Variants in KAZN observed in about 807,000 individuals in gnomAD.
The protein encoded by KAZN is kazrin, periplakin interacting protein.
In KAZN, 40 loss-of-function variants were observed where a neutral mutation model predicts 87.4. That is an observed-to-expected ratio of 0.46 (90% CI 0.36 to 0.60). The LOEUF is 0.60. KAZN is among the 20% of genes least tolerant of loss of function. The pLI is 0.00. For missense variants in KAZN, 898 were observed against 1,073.9 expected (o/e 0.84, Z 2.29); for synonymous variants, 466 against 458.3 (o/e 1.02, Z -0.22).
At chr1:14,036,159 C>G (rs1361508312) in intron 1 of KAZN, among the ~76,000 whole-genome samples, 1 of 152,186 alleles carries the variant, frequency 6.6e-6, no homozygotes, top group African/African-American at 2.4e-5. Context: ...TTTGAACAGG[C>G]TGGAGTTTCT....
intron 1 of KAZN, among the ~76,000 whole-genome samples, chr1:14,600,390 A>T (rs1676862794): frequency 6.6e-6 from 1 of 152,070 alleles, no homozygotes; most frequent in Non-Finnish European, 1.5e-5. Context: ...TTTCCACCTT[A>T]TCTTCCTGGG....
At chr1:14,136,132 T>C (rs1645104694) in intron 1 of KAZN, among the ~76,000 whole-genome samples, 1 of 152,054 alleles carries the variant, frequency 6.6e-6, no homozygotes, top group Non-Finnish European at 1.5e-5. Context: ...AGCTAAAGGA[T>C]CACATCTTGG....
In KAZN at chr1:14,599,354, G is replaced by A. The variant is rs576324929; in HGVS notation, c.226+131G>A. On this transcript the variant is annotated intron_variant, in intron 1 of 14. Transcript: ENST00000376030. The surrounding 1 kb of genome is among the most constrained non-coding windows in gnomAD (Gnocchi z 4.4). ...TGCATTCTGGCTTGTAACCCTTTCC[G>A]CCCGGCGGTGGCCACCGCTGCTCTC... The A allele has an allele frequency of 4.1e-5, 41 of 987,990 alleles. No individual in the cohort carries two copies. In the East Asian group the frequency reaches 1.0e-3, roughly 24 times the overall value. The allele number at this position is 987,990 out of a possible 1,614,324, so 61.2% of individuals were successfully genotyped here.
chr1:14,217,815 T>C (rs1392663274), intron 2 of KAZN, among the ~76,000 whole-genome samples: 1 of 152,100 alleles, frequency 6.6e-6, no homozygotes. Flanking sequence ...AAATCACTTA[T>C]AATAGACAAT....
chr1:15,015,918 G>T (rs1670039884), intron 2 of KAZN, among the ~76,000 whole-genome samples: 1 of 152,176 alleles, frequency 6.6e-6, no homozygotes, highest in Admixed American at 6.5e-5. Flanking sequence ...ACTGTGATCG[G>T]AGGGCAGGGC....
chr1:14,189,798 G>A (rs983359306), intron 2 of KAZN, among the ~76,000 whole-genome samples: 7 of 152,062 alleles, frequency 4.6e-5, no homozygotes, highest in Non-Finnish European at 8.8e-5. Flanking sequence ...TATAAAATAC[G>A]GGCCATTAAT....
At chr1:13,974,211 C>T (rs1255587298) in intron 1 of KAZN, among the ~76,000 whole-genome samples, 1 of 152,158 alleles carries the variant, frequency 6.6e-6, no homozygotes, top group Non-Finnish European at 1.5e-5. Context: ...CTAGCATGTA[C>T]CAAAACTCCA....
intron 1 of KAZN, among the ~76,000 whole-genome samples, chr1:14,876,331 TAGC>T (rs1652767089): frequency 6.6e-6 from 1 of 152,194 alleles, no homozygotes; most frequent in African/African-American, 2.4e-5. Flanking sequence ...AGAATGACAT[TAGC>T]GATAGTAGCT....
At chr1:13,909,752 T>A (rs983647318) in intron 1 of KAZN, among the ~76,000 whole-genome samples, 5 of 152,240 alleles carry the variant, frequency 3.3e-5, no homozygotes, top group Non-Finnish European at 7.3e-5. Flanking sequence ...GGCAGAGTCC[T>A]CCTTCTGCTA....
intron 1 of KAZN, among the ~76,000 whole-genome samples, chr1:14,836,328 G>A (rs1291800736): frequency 3.3e-5 from 5 of 152,136 alleles, no homozygotes; most frequent in South Asian, 4.1e-4. Flanking sequence ...ACTCAAAGCC[G>A]CACCTCTGTG....
intron 1 of KAZN, among the ~76,000 whole-genome samples, chr1:14,681,784 G>A (rs368966500): frequency 1.3e-4 from 19 of 141,796 alleles, no homozygotes; most frequent in African/African-American, 2.4e-4. Context: ...CCCGGGAGGC[G>A]TTCTCCTGCC....
chr1:15,024,223 G>A (rs187331777), intron 2 of KAZN, among the ~76,000 whole-genome samples: 8 of 152,202 alleles, frequency 5.3e-5, no homozygotes, highest in African/African-American at 1.7e-4. Context: ...CCAGGAACAC[G>A]GGCCCTGGAG....
intron 2 of KAZN, among the ~76,000 whole-genome samples, chr1:15,024,884 C>T (rs143715219): frequency 2.0e-5 from 3 of 152,288 alleles, no homozygotes; most frequent in Admixed American, 6.5e-5. Context: ...TGGCCAGCTC[C>T]GAGATCACCA....
intron 1 of KAZN, among the ~76,000 whole-genome samples, chr1:14,900,148 G>A (rs1228096883): frequency 6.6e-6 from 1 of 152,170 alleles, no homozygotes; most frequent in African/African-American, 2.4e-5. Flanking sequence ...CATGGGGTTT[G>A]TGAAGATGGG....
At chr1:13,923,722 G>T (rs541880046) in intron 1 of KAZN, among the ~76,000 whole-genome samples, 33 of 152,046 alleles carry the variant, frequency 2.2e-4, no homozygotes, top group Non-Finnish European at 4.3e-4. Flanking sequence ...GGCGGCAGAG[G>T]CAGAAGAAGT....
At chr1:14,620,875 GC>G (rs1557842603) in intron 1 of KAZN, among the ~76,000 whole-genome samples, 4 of 152,296 alleles carry the variant, frequency 2.6e-5, no homozygotes, top group African/African-American at 9.6e-5. Context: ...TCCCAGCGGA[GC>G]CTCTTGTACA....
intron 2 of KAZN, among the ~76,000 whole-genome samples, chr1:14,514,847 C>T (rs896426904): frequency 3.1e-4 from 47 of 151,660 alleles, no homozygotes; most frequent in Middle Eastern, 3.4e-3. Flanking sequence ...AATTGTTGTT[C>T]CATACAGGAC....
intron 1 of KAZN, among the ~76,000 whole-genome samples, chr1:14,119,147 C>A (rs183782286): frequency 1.3e-5 from 2 of 152,142 alleles, no homozygotes; most frequent in Admixed American, 1.3e-4. Flanking sequence ...TCAGCTCTAA[C>A]CCCTTTTTAA....
intron 2 of KAZN, among the ~76,000 whole-genome samples, chr1:14,999,785 A>G (rs1668282590): frequency 6.6e-6 from 1 of 152,172 alleles, no homozygotes; most frequent in Non-Finnish European, 1.5e-5. Flanking sequence ...ACCCAGAGGG[A>G]GTGGGCACTC....
Sources: gnomAD v4.1 joint callset for allele counts (sites outside exome capture counted in the v4.1 genomes callset) on GRCh38, gnomAD v4.1.1 for gene constraint, Gnocchi (gnomAD v3.1) non-coding constraint, MANE v1.5 for transcripts, NCBI Gene and HGNC (gene_info 2026-07-23, HGNC 2026-07-21) for gene names.